CRIPT: variants seen among roughly 807,000 people sequenced by gnomAD.
CRIPT encodes the protein cysteine-rich PDZ-binding protein.
CRIPT carries 20 observed loss-of-function variants against 16.6 expected under a neutral mutation model. The ratio of observed to expected loss-of-function variants is 1.20; its 90% CI spans 0.85 to 1.75. The LOEUF is 1.75. CRIPT is among the 40% of genes most tolerant of loss of function. CRIPT has a pLI of 0.00. For missense variants in CRIPT, 133 were observed against 115.3 expected (o/e 1.15, Z -0.70); for synonymous variants, 42 against 37.0 (o/e 1.14, Z -0.49).
Position 46,625,672 on chromosome 2 carries a change from T to C in CRIPT, c.*1445T>C, listed in dbSNP as rs1164724432. 2 of 152,140 alleles carry C rather than the reference T, an allele frequency of 1.3e-5. No individual in the cohort carries two copies. The highest frequency in any genetic ancestry group is 2.9e-5 in the Non-Finnish European group (2 of 68,028). 9.4% of individuals were successfully genotyped at this position (152,140 alleles called of 1,614,324 possible). A position where few individuals can be genotyped will look rare whatever the true frequency, so the allele number is the denominator to read the frequency against. On this transcript the variant is annotated 3_prime_UTR_variant, in exon 5 of 5. Coordinates refer to ENST00000238892, the MANE Select transcript of CRIPT (RefSeq NM_014171.6). ...TCAAAATGTGTTTTTCTGAGATACA[T>C]TGTTATTTATTCATATCCAGAAAAA...
At position 46,626,699 on chromosome 2, in the gene CRIPT, T is replaced by A. The variant is rs1208051742; in HGVS notation, c.*2472T>A. 6.6e-6 allele frequency among the ~76,000 whole-genome samples: 1 copy of A among 152,226 alleles called. No homozygotes were observed. Among genetic ancestry groups the A allele is most frequent in the Non-Finnish European group, 1.5e-5 (1 of 68,034 alleles). On this transcript the variant is annotated 3_prime_UTR_variant, in exon 5 of 5. Transcript: ENST00000238892. ...GATTGTAACTCATTGTGGTTTTGAT[T>A]TGCATTTATCTGATTAGTAATGTTG...
rs1236824545 is a variant in CRIPT at position 46,618,759 on chromosome 2, T to C, written c.17-14T>C. The C allele has an allele frequency of 3.2e-6, 5 of 1,569,890 alleles. No individual in the cohort carries two copies. Among genetic ancestry groups the C allele is most frequent in the Non-Finnish European group, 3.5e-6 (4 of 1,146,112 alleles). On this transcript the variant is annotated splice_polypyrimidine_tract_variant and intron_variant, in intron 1 of 4. Transcript: ENST00000238892. ...ATAAAGTTTAATTTTCCTTTTACTA[T>C]CTTGTTCTAACAGGTGAAAAGAAAC...
rs915843655 is a variant in CRIPT at position 46,626,401 on chromosome 2, G to T, written c.*2174G>T. 6.6e-6 allele frequency among the ~76,000 whole-genome samples: 1 copy of T among 152,178 alleles called. No individual in the cohort carries two copies. The highest frequency in any genetic ancestry group is 2.4e-5 in the African/African-American group (1 of 41,428). ...GAATAGTGCTGTGATGAATATGTGA[G>T]TGTATGTGTCTTTTTGGTAGAACAA... On this transcript the variant is annotated 3_prime_UTR_variant, in exon 5 of 5. Transcript: ENST00000238892.
rs1670953114 is a variant in CRIPT, at chr2:46,626,976, G to A, written c.*2749G>A. 6.6e-6 allele frequency among the ~76,000 whole-genome samples: 1 copy of A among 152,072 alleles called. No individual in the cohort carries two copies. Among genetic ancestry groups the A allele is most frequent in the Non-Finnish European group, 1.5e-5 (1 of 68,022 alleles). ...GCCTCCTGAGTTGCTGGGATTACAG[G>A]TGCCTGCCACCAAGCGTGGCTAATT... On this transcript the variant is annotated 3_prime_UTR_variant, in exon 5 of 5. Coordinates refer to ENST00000238892, the MANE Select transcript of CRIPT (RefSeq NM_014171.6).
chr2:46,623,671 G>A (rs1670865672), intron 3 of CRIPT, 93 bp from the exon 4 acceptor site: 2 of 654,698 alleles, frequency 3.1e-6, no homozygotes, highest in Non-Finnish European at 5.3e-6. Flanking sequence ...GGGATGGAGA[G>A]CATGGATTAA....
chr2:46,627,799 G>T lies in CRIPT; in HGVS notation c.*3572G>T, dbSNP rs1670975471. 6.6e-6 allele frequency among the ~76,000 whole-genome samples: 1 copy of T among 152,094 alleles called. No homozygotes were observed. The highest frequency in any genetic ancestry group is 2.1e-4 in the South Asian group (1 of 4,822). On this transcript the variant is annotated 3_prime_UTR_variant, in exon 5 of 5. Transcript: ENST00000238892. ...AGGTAATTTTATATATATGGTGAAA[G>T]GGGTCCAGTTTGAGTCTTCTGCATA...
At chr2:46,617,358 C>A in intron 1 of CRIPT, 60 bp downstream of exon 1, 1 of 1,527,118 alleles carries the variant, frequency 6.5e-7, no homozygotes, top group East Asian at 2.4e-5. Context: ...CTGAGCTCTC[C>A]CGGGAACTTT....
At chr2:46,621,872 C>G (rs1450483034) in intron 3 of CRIPT, among the ~76,000 whole-genome samples, 3 of 152,116 alleles carry the variant, frequency 2.0e-5, no homozygotes, top group Non-Finnish European at 4.4e-5. Flanking sequence ...ATTGACTGAG[C>G]TATTATTTGT....
At chr2:46,623,895 T>G in intron 4 of CRIPT, 28 bp downstream of exon 4, 1 of 1,468,696 alleles carries the variant, frequency 6.8e-7, no homozygotes, top group Non-Finnish European at 9.4e-7. Flanking sequence ...CCGTTTTCTA[T>G]TCATAAAACC....
intron 3 of CRIPT, among the ~76,000 whole-genome samples, chr2:46,623,013 A>G (rs1670848761): frequency 6.6e-6 from 1 of 151,982 alleles, no homozygotes; most frequent in African/African-American, 2.4e-5. Flanking sequence ...AGGGGAAAGT[A>G]TTTCTTTTTT....
In CRIPT at chr2:46,619,603, A is replaced by G. The variant is rs753830011; in HGVS notation, c.83-24A>G. 4 of 1,564,328 alleles carry G rather than the reference A, an allele frequency of 2.6e-6. No individual in the cohort carries two copies. In the South Asian group the frequency reaches 4.6e-5, roughly 18 times the overall value. ...GTTAAATGTATAGAAATAACCCACTAAAATATCTTTTATTCTGATACAGAA... is the reference window on the plus strand; with the variant it reads ...GTTAAATGTATAGAAATAACCCACTGAAATATCTTTTATTCTGATACAGAA... On this transcript the variant is annotated intron_variant, in intron 2 of 4. Transcript: ENST00000238892.
In CRIPT at chr2:46,628,663, T is replaced by C. The variant is rs1671001093; in HGVS notation, c.*4436T>C. ...GAATGGATCATCCAGTGGCCGCACT[T>C]AGGTTCTCCTATGAAGATTTTTGTT... On this transcript the variant is annotated 3_prime_UTR_variant, in exon 5 of 5. Transcript: ENST00000238892. Among the ~76,000 whole-genome samples, 1 of 152,214 alleles carries C rather than the reference T, an allele frequency of 6.6e-6. No individual in the cohort carries two copies. Among genetic ancestry groups the C allele is most frequent in the Non-Finnish European group, 1.5e-5 (1 of 68,044 alleles).
rs1671009793 is a variant in CRIPT at position 46,628,983 on chromosome 2, A to G, written c.*4756A>G. On this transcript the variant is annotated 3_prime_UTR_variant, in exon 5 of 5. Transcript: ENST00000238892. ...AAAAGTGATGAAAGAATCTGTTAAG[A>G]TATCAGATTGTAATATAAAAGATAC... Among the ~76,000 whole-genome samples the G allele has an allele frequency of 6.6e-6, 1 of 152,242 alleles. No individual in the cohort carries two copies. Among genetic ancestry groups the G allele is most frequent in the Non-Finnish European group, 1.5e-5 (1 of 68,042 alleles).
intron 3 of CRIPT, among the ~76,000 whole-genome samples, chr2:46,622,460 T>A (rs1452376499): frequency 6.6e-6 from 1 of 152,064 alleles, no homozygotes; most frequent in Non-Finnish European, 1.5e-5. Flanking sequence ...TGGAAATACA[T>A]GTCCAAACAA....
intron 3 of CRIPT, among the ~76,000 whole-genome samples, chr2:46,622,030 ATAAG>A (rs756790540): frequency 6.6e-6 from 1 of 152,218 alleles, no homozygotes; most frequent in Non-Finnish European, 1.5e-5. Flanking sequence ...ACTGTTATTT[ATAAG>A]ATGCATTGTT....
chr2:46,623,636 C>T, intron 3 of CRIPT, 128 bp from the exon 4 acceptor site: 1 of 574,568 alleles, frequency 1.7e-6, no homozygotes, highest in African/African-American at 1.9e-5. Flanking sequence ...ATAGGCTAAA[C>T]CCATCAATTG....
At position 46,624,045 on chromosome 2, in the gene CRIPT, T is replaced by A. The variant is rs559984925; in HGVS notation, c.242-118T>A. On this transcript the variant is annotated intron_variant, in intron 4 of 4. Transcript: ENST00000238892. ...TAAAATTATATATATATATATATTT[T>A]TTTTTTCTTTTCTTTTCTTTCCTGA... The A allele has an allele frequency of 3.6e-3, 1,604 of 440,786 alleles. 18 individuals carry two copies. Among genetic ancestry groups the A allele is most frequent in the African/African-American group, 0.031 (1,446 of 47,228 alleles). 27.3% of individuals were successfully genotyped at this position (440,786 alleles called of 1,614,324 possible). A position where few individuals can be genotyped will look rare whatever the true frequency, so the allele number is the denominator to read the frequency against.
Position 46,625,437 on chromosome 2 carries a change from T to C in CRIPT, c.*1210T>C, listed in dbSNP as rs1281912711. 1 of 150,134 alleles carries C rather than the reference T, an allele frequency of 6.7e-6. No homozygotes were observed. The highest frequency in any genetic ancestry group is 6.7e-5 in the Admixed American group (1 of 14,984). 9.3% of individuals were successfully genotyped at this position (150,134 alleles called of 1,614,324 possible). On this transcript the variant is annotated 3_prime_UTR_variant, in exon 5 of 5. Transcript: ENST00000238892. Reference sequence around the variant, plus strand: ...AGGTTTCAAATGAATACTTTTCTTATGTTGCCTTCAGAGGTTCAGGACTTC... The same window carrying C: ...AGGTTTCAAATGAATACTTTTCTTACGTTGCCTTCAGAGGTTCAGGACTTC...
At position 46,619,678 on chromosome 2, in the gene CRIPT, C is replaced by T. The variant is rs547532907; in HGVS notation, c.134C>T (p.Ala45Val). Residue 45 changes from alanine to valine, a missense_variant, in exon 3 of 5, where the codon GCA (alanine) becomes GTA (valine). Ala to Val is a moderately conservative substitution (Grantham distance 64). Transcript: ENST00000238892. Reference protein sequence around the residue: ...NENKALTSKKARFDPYGKNKF... With the variant: ...NENKALTSKKVRFDPYGKNKF... ...AATAAAGCTTTGACTTCAAAAAAAGCAAGGTGGGTAAGAGGATCCATCGAT... is the reference window on the plus strand; with the variant it reads ...AATAAAGCTTTGACTTCAAAAAAAGTAAGGTGGGTAAGAGGATCCATCGAT... 6.8e-6 allele frequency: 11 copies of T among 1,609,804 alleles called. 1 individual carries two copies. The South Asian group carries it at 1.2e-4, about 18-fold the overall frequency.
Sources: allele counts gnomAD v4.1 joint callset (sites outside exome capture counted in the v4.1 genomes callset), GRCh38; gene constraint gnomAD v4.1.1; transcripts MANE v1.5; gene names NCBI Gene and HGNC (gene_info 2026-07-23, HGNC 2026-07-21).